Variants in ADAMTS20 observed in about 807,000 individuals in gnomAD.
The protein encoded by ADAMTS20 is ADAM metallopeptidase with thrombospondin type 1 motif 20.
ADAMTS20 carries 225 observed loss-of-function variants against 260.1 expected under a neutral mutation model. That is an observed-to-expected ratio of 0.87 (90% CI 0.78 to 0.97). ADAMTS20 has a LOEUF of 0.97. Among genes scored for constraint, ADAMTS20 ranks in the 50% least tolerant of loss-of-function variants. The pLI, the probability that ADAMTS20 is intolerant of heterozygous loss-of-function variation, is 0.00. For synonymous variants in ADAMTS20, 802 were observed against 769.5 expected (o/e 1.04, Z -0.70); for missense variants, 2,400 against 2,337.7 (o/e 1.03, Z -0.55).
chr12:43,441,618 T>C (rs1166615199), intron 16 of ADAMTS20, among the ~76,000 whole-genome samples: 1 of 152,188 alleles, frequency 6.6e-6, no homozygotes, highest in Non-Finnish European at 1.5e-5. Context: ...TGTAAAGTAC[T>C]GTGCTATTTA....
chr12:43,390,835 T>C (rs756462918), intron 29 of ADAMTS20, among the ~76,000 whole-genome samples: 4 of 152,222 alleles, frequency 2.6e-5, no homozygotes, highest in African/African-American at 9.6e-5. Context: ...TAGCCCTTAA[T>C]GATCCATTCG....
At chr12:43,444,510 C>T (rs781235875) in intron 15 of ADAMTS20, among the ~76,000 whole-genome samples, 14 of 152,036 alleles carry the variant, frequency 9.2e-5, no homozygotes, top group Non-Finnish European at 2.1e-4. Context: ...AAAGTTTACT[C>T]AAGTGAAATG....
intron 28 of ADAMTS20, among the ~76,000 whole-genome samples, chr12:43,399,547 C>A (rs1403287007): frequency 6.6e-6 from 1 of 152,144 alleles, no homozygotes; most frequent in Non-Finnish European, 1.5e-5. Flanking sequence ...AGACTATCCT[C>A]AACTAACTCC....
chr12:43,448,040 A>G (rs1477558095), intron 14 of ADAMTS20, among the ~76,000 whole-genome samples: 2 of 152,228 alleles, frequency 1.3e-5, no homozygotes. Flanking sequence ...GGAAGAATCA[A>G]TATCATTAAA....
chr12:43,432,445 C>T lies in ADAMTS20; in HGVS notation c.2955G>A (p.Gly985=), dbSNP rs141562333. Residue 985 remains glycine (G), a synonymous_variant, in exon 21 of 39, where the codon GGG becomes GGA. Transcript: ENST00000389420. ...WSQCSRSCGG[G]ERSRESYCMN... is the part of the protein sequence containing the mutation. ...TACAATAAGATTCTCGAGACCTTTC[C>T]CCTCCTCCACAACTCCTGGAACACT... is the stretch of plus-strand genomic sequence containing the variant. 1.3e-3 allele frequency: 2,153 copies of T among 1,613,098 alleles called. 32 individuals carry two copies. The African/African-American group carries it at 0.026, about 19-fold the overall frequency.
chr12:43,463,176 T>A (rs1236112203), intron 10 of ADAMTS20, among the ~76,000 whole-genome samples, 177 bp from the exon 11 acceptor site: 1 of 152,220 alleles, frequency 6.6e-6, no homozygotes, highest in African/African-American at 2.4e-5. Context: ...TCTAAATACA[T>A]AAAATTGTGA....
rs756272367 is a variant in ADAMTS20, at chr12:43,425,688, A to G, written c.4110T>C (p.Cys1370=). The change falls in exon 28 of 39, where the codon TGT becomes TGC. Residue 1370 remains cysteine (C), a splice_region_variant and synonymous_variant. Coordinates refer to ENST00000389420, the MANE Select transcript of ADAMTS20 (RefSeq NM_025003.5). ...PQWNYGNWGE[C]SQTCGGGIKS... ...TTATTCCTCCTCCACATGTTTGTGA[A>G]CACTAAAAACAAGAATAGGAAAATT... is the stretch of plus-strand genomic sequence containing the variant. 13 of 1,576,524 alleles carry G rather than the reference A, an allele frequency of 8.2e-6. No homozygotes were observed. In the South Asian group the frequency reaches 1.5e-4, roughly 18 times the overall value.
At chr12:43,409,328 C>T (rs1363423812) in intron 28 of ADAMTS20, among the ~76,000 whole-genome samples, 1 of 151,830 alleles carries the variant, frequency 6.6e-6, no homozygotes, top group Non-Finnish European at 1.5e-5. Context: ...TTAGGCCAGG[C>T]GCGGTGGCTC....
At chr12:43,390,017 A>G (rs1940564811) in intron 29 of ADAMTS20, among the ~76,000 whole-genome samples, 1 of 152,216 alleles carries the variant, frequency 6.6e-6, no homozygotes, top group Non-Finnish European at 1.5e-5. Flanking sequence ...AGGGATGGCC[A>G]TCATAGCCAT....
chr12:43,422,629 T>C (rs1941257446), intron 28 of ADAMTS20, among the ~76,000 whole-genome samples: 1 of 152,060 alleles, frequency 6.6e-6, no homozygotes, highest in Non-Finnish European at 1.5e-5. Flanking sequence ...AAACCTTTAT[T>C]GTGATTTTTA....
downstream of ADAMTS20, among the ~76,000 whole-genome samples, chr12:43,353,536 A>G (rs1939677352): frequency 1.3e-5 from 2 of 152,036 alleles, no homozygotes; most frequent in East Asian, 1.9e-4. Context: ...TATCTTTATT[A>G]TACCCACAAA....
chr12:43,472,801 C>T (rs1236607070), intron 7 of ADAMTS20, among the ~76,000 whole-genome samples: 1 of 151,392 alleles, frequency 6.6e-6, no homozygotes, highest in African/African-American at 2.4e-5. Flanking sequence ...GATTTTGTCA[C>T]CACCAAGCCT....
At chr12:43,390,036 T>C (rs1471430365) in intron 29 of ADAMTS20, among the ~76,000 whole-genome samples, 2 of 152,194 alleles carry the variant, frequency 1.3e-5, no homozygotes, top group African/African-American at 2.4e-5. Context: ...ATTGCTGTAC[T>C]TGGGACCACT....
At chr12:43,388,132 C>A (rs1940521456) in intron 29 of ADAMTS20, among the ~76,000 whole-genome samples, 1 of 152,056 alleles carries the variant, frequency 6.6e-6, no homozygotes. Context: ...CAGTTTTGCG[C>A]TTGAAACCCA....
chr12:43,440,138 ACTT>A, intron 16 of ADAMTS20, 69 bp from the exon 17 acceptor site: 14 of 1,024,232 alleles, frequency 1.4e-5, no homozygotes, highest in South Asian at 3.7e-5. Flanking sequence ...CACTTGTTTA[ACTT>A]TTTTTTTTTT....
At chr12:43,495,332 A>G (rs761262848) in intron 4 of ADAMTS20, among the ~76,000 whole-genome samples, 134 of 152,292 alleles carry the variant, frequency 8.8e-4, no homozygotes, top group Admixed American at 1.4e-3. Flanking sequence ...TATTTAAGGG[A>G]AACAGACACA....
intron 3 of ADAMTS20, among the ~76,000 whole-genome samples, chr12:43,518,703 C>T (rs1450007681): frequency 1.3e-5 from 2 of 151,700 alleles, no homozygotes; most frequent in African/African-American, 4.8e-5. Context: ...TTCTAACAGG[C>T]ACCTCAAACT....
Position 43,453,891 on chromosome 12 carries a change from C to T in ADAMTS20, c.1760+16G>A. On this transcript the variant is annotated intron_variant, in intron 12 of 38. Transcript: ENST00000389420. ...TTGAGATAATCTTAATTTATAGTGA[C>T]ATAAAAAAGACATACTCAGGACGAT... 1.3e-6 allele frequency: 2 copies of T among 1,576,868 alleles called. No individual in the cohort carries two copies. Among genetic ancestry groups the T allele is most frequent in the Non-Finnish European group, 1.7e-6 (2 of 1,159,860 alleles).
At chr12:43,514,502 CAGTGAGCCA>C (rs1179126796) in intron 3 of ADAMTS20, among the ~76,000 whole-genome samples, 5 of 128,048 alleles carry the variant, frequency 3.9e-5, no homozygotes, top group Admixed American at 9.8e-5. Context: ...GCAGAGGTTG[CAGTGAGCCA>C]AGATCTCGCT....
Sources: allele counts gnomAD v4.1 joint callset (sites outside exome capture counted in the v4.1 genomes callset), GRCh38; gene constraint gnomAD v4.1.1; transcripts MANE v1.5; gene names NCBI Gene and HGNC (gene_info 2026-07-23, HGNC 2026-07-21).